Variants in FBXL17 observed in about 807,000 individuals in gnomAD.
FBXL17 encodes F-box and leucine rich repeat protein 17.
Under a neutral mutation model 66.2 loss-of-function variants are expected in FBXL17, and 22 were observed. The observed-to-expected ratio is 0.33, with a 90% confidence interval of 0.24 to 0.47. The LOEUF is 0.47. Among genes scored for constraint, FBXL17 ranks in the 20% least tolerant of loss-of-function variants. FBXL17 has a pLI of 1.00. For synonymous variants in FBXL17, 474 were observed against 400.5 expected, an observed-to-expected ratio of 1.18 and a Z score of -2.19; for missense variants, 878 against 948.2, an observed-to-expected ratio of 0.93 and a Z score of 0.97.
intron 6 of FBXL17, among the ~76,000 whole-genome samples, chr5:108,177,125 A>T (rs1425577754): frequency 6.6e-6 from 1 of 152,208 alleles, no homozygotes; most frequent in African/African-American, 2.4e-5. Context: ...AGATAGTGAC[A>T]CATTTGTAAA....
chr5:108,112,343 G>A (rs757911265), intron 6 of FBXL17, among the ~76,000 whole-genome samples: 7 of 152,198 alleles, frequency 4.6e-5, no homozygotes, highest in South Asian at 2.1e-4. Context: ...GGATAGAAAT[G>A]ACCTGCTAAT....
At chr5:108,182,542 A>G (rs549319624) in intron 6 of FBXL17, among the ~76,000 whole-genome samples, 4 of 152,350 alleles carry the variant, frequency 2.6e-5, no homozygotes, top group Admixed American at 1.3e-4. Context: ...TTGATCTTTA[A>G]AACTCTATTG....
chr5:108,147,019 C>T (rs1751587715), intron 6 of FBXL17, among the ~76,000 whole-genome samples: 1 of 152,216 alleles, frequency 6.6e-6, no homozygotes, highest in African/African-American at 2.4e-5. Flanking sequence ...AGGTGCCTTG[C>T]TGTTGCATCC....
At chr5:107,873,499 G>T (rs961800336) in intron 8 of FBXL17, among the ~76,000 whole-genome samples, 1 of 152,160 alleles carries the variant, frequency 6.6e-6, no homozygotes, top group Admixed American at 6.5e-5. Context: ...ACAGGAACAG[G>T]ATTTTCTCTA....
intron 5 of FBXL17, 92 bp downstream of exon 5, chr5:108,224,029 G>T: frequency 1.9e-6 from 1 of 527,190 alleles, no homozygotes; most frequent in South Asian, 3.8e-5. Context: ...ATAATGGTCT[G>T]ACTGTCCCTT....
intron 4 of FBXL17, among the ~76,000 whole-genome samples, chr5:108,338,373 CT>C (rs1746652881): frequency 3.3e-5 from 5 of 152,036 alleles, no homozygotes. Context: ...TTTACAACCA[CT>C]TTTCTTTGTA....
At chr5:108,206,712 T>C (rs1356124008) in intron 5 of FBXL17, among the ~76,000 whole-genome samples, 1 of 152,232 alleles carries the variant, frequency 6.6e-6, no homozygotes, top group African/African-American at 2.4e-5. Flanking sequence ...TTCATTCCTT[T>C]AACACCCTGT....
At chr5:108,118,723 G>C (rs1005049315) in intron 6 of FBXL17, among the ~76,000 whole-genome samples, 1 of 152,072 alleles carries the variant, frequency 6.6e-6, no homozygotes, top group Admixed American at 6.6e-5. Flanking sequence ...AATATCCATA[G>C]TCCTTCATGC....
chr5:108,181,731 T>G (rs1753010352), intron 6 of FBXL17, among the ~76,000 whole-genome samples: 1 of 152,146 alleles, frequency 6.6e-6, no homozygotes, highest in African/African-American at 2.4e-5. Context: ...TGTATATAAA[T>G]TAATATCTAA....
intron 7 of FBXL17, among the ~76,000 whole-genome samples, chr5:107,981,699 C>G (rs1404146719): frequency 6.6e-6 from 1 of 152,014 alleles, no homozygotes; most frequent in Non-Finnish European, 1.5e-5. Context: ...AATTATGGCA[C>G]CAGGGCAGGG....
At chr5:108,095,066 G>T (rs968708952) in intron 6 of FBXL17, among the ~76,000 whole-genome samples, 1 of 151,980 alleles carries the variant, frequency 6.6e-6, no homozygotes, top group South Asian at 2.1e-4. Context: ...GTATATAAGT[G>T]AGTCCTCTTA....
At chr5:108,223,947 T>G (rs1377675074) in intron 5 of FBXL17, among the ~76,000 whole-genome samples, 174 bp downstream of exon 5, 1 of 152,212 alleles carries the variant, frequency 6.6e-6, no homozygotes, top group Non-Finnish European at 1.5e-5. Flanking sequence ...GAGTATTCCA[T>G]TTCAGAAAGG....
At chr5:108,268,333 T>C (rs1757126830) in intron 4 of FBXL17, among the ~76,000 whole-genome samples, 1 of 152,052 alleles carries the variant, frequency 6.6e-6, no homozygotes, top group Non-Finnish European at 1.5e-5. Context: ...GCTTTTATAC[T>C]TAACTTCACC....
chr5:108,192,779 G>C (rs951854137), intron 5 of FBXL17, among the ~76,000 whole-genome samples: 1 of 152,090 alleles, frequency 6.6e-6, no homozygotes, highest in African/African-American at 2.4e-5. Context: ...GTGACAGAGC[G>C]AGATGAAAGC....
intron 7 of FBXL17, among the ~76,000 whole-genome samples, chr5:107,916,824 T>C (rs1450946163): frequency 6.6e-6 from 1 of 152,190 alleles, no homozygotes; most frequent in Non-Finnish European, 1.5e-5. Flanking sequence ...ACAGACTGAA[T>C]GAGAAAATGC....
intron 4 of FBXL17, among the ~76,000 whole-genome samples, chr5:108,331,618 T>C (rs1189029301): frequency 6.6e-6 from 1 of 152,166 alleles, no homozygotes; most frequent in African/African-American, 2.4e-5. Context: ...TTATGAAAAA[T>C]TACAATGGCT....
At chr5:108,201,868 A>G (rs973309394) in intron 5 of FBXL17, among the ~76,000 whole-genome samples, 40 of 151,746 alleles carry the variant, frequency 2.6e-4, no homozygotes, top group Middle Eastern at 3.4e-3. Flanking sequence ...AAAAAAAAAA[A>G]AAAATGAAAG....
At chr5:107,866,351 A>G (rs1748272059) in intron 8 of FBXL17, among the ~76,000 whole-genome samples, 1 of 152,132 alleles carries the variant, frequency 6.6e-6, no homozygotes. Context: ...CATAATTTAC[A>G]TTTTCAAAAT....
At chr5:108,344,181 C>CG (rs398050646) in intron 4 of FBXL17, among the ~76,000 whole-genome samples, 64,183 of 151,622 alleles carry the variant, frequency 0.42, 14,358 homozygotes, top group Non-Finnish European at 0.5. Flanking sequence ...CCTAGGGGGT[C>CG]GGGGGGGAAA....
Sources: gnomAD v4.1 joint callset for allele counts (sites outside exome capture counted in the v4.1 genomes callset) on GRCh38, gnomAD v4.1.1 for gene constraint, MANE v1.5 for transcripts, NCBI Gene and HGNC (gene_info 2026-07-23, HGNC 2026-07-21) for gene names.